Variants in COL5A2 observed in about 807,000 individuals in gnomAD.
COL5A2 encodes the protein collagen type V alpha 2 chain.
A neutral mutation model predicts 208.2 loss-of-function variants in COL5A2; 23 were observed. The observed-to-expected ratio is 0.11, with a 90% CI of 0.08 to 0.16. The LOEUF (loss-of-function observed/expected upper bound fraction) is 0.16, where lower values mean the gene tolerates loss of function less well. Ranked by LOEUF, COL5A2 falls within the 10% of genes least tolerant of loss-of-function variation. COL5A2 has a pLI of 1.00. For missense variants in COL5A2, 1,590 were observed against 1,956.4 expected (o/e 0.81, Z 3.53); for synonymous variants, 625 against 628.5 (o/e 0.99, Z 0.08).
At chr2:189,154,308 G>C (rs895465210) in intron 1 of COL5A2, among the ~76,000 whole-genome samples, 4 of 152,180 alleles carry the variant, frequency 2.6e-5, no homozygotes, top group African/African-American at 9.7e-5. Flanking sequence ...CAAAACTATA[G>C]TATGAAGTTA....
At chr2:189,326,367 G>T in the COL5A2 span, among the ~76,000 whole-genome samples, 4 of 152,056 alleles carry the variant, frequency 2.6e-5, no homozygotes, top group African/African-American at 2.4e-5. Context: ...ATTTTAAAGA[G>T]ATTGTAAAAC....
In COL5A2 at chr2:189,042,791, A is replaced by T; in HGVS notation, c.3472-18T>A. 6.3e-7 allele frequency: 1 copy of T among 1,599,768 alleles called. No homozygotes were observed. The highest frequency in any genetic ancestry group is 8.5e-7 in the Non-Finnish European group (1 of 1,170,870). On this transcript the variant is annotated intron_variant, in intron 48 of 53. Coordinates refer to ENST00000374866, the MANE Select transcript of COL5A2 (RefSeq NM_000393.5). ...TTTGGACCCTAAGTAGGAATACAATAAAAAATGTTGCCAAAATATTTGGAT... is the reference window on the plus strand; with the variant it reads ...TTTGGACCCTAAGTAGGAATACAATTAAAAATGTTGCCAAAATATTTGGAT...
the COL5A2 span, among the ~76,000 whole-genome samples, chr2:189,239,161 G>T: frequency 1.3e-5 from 2 of 152,018 alleles, no homozygotes; most frequent in Admixed American, 6.6e-5. Context: ...AGGGAGTGTA[G>T]ACCCAAGTGT....
chr2:189,170,013 G>C (rs139931227), intron 1 of COL5A2, among the ~76,000 whole-genome samples: 2 of 152,230 alleles, frequency 1.3e-5, no homozygotes, highest in Non-Finnish European at 2.9e-5. Flanking sequence ...CACCACACCT[G>C]GCCTGTTATT....
chr2:189,124,576 A>G (rs1234303422), intron 1 of COL5A2, among the ~76,000 whole-genome samples: 1 of 152,166 alleles, frequency 6.6e-6, no homozygotes, highest in African/African-American at 2.4e-5. Context: ...TAAAAAAGTC[A>G]CTGAGGAAAA....
intron 35 of COL5A2, chr2:189,056,662 G>A (rs1333639735): frequency 2.4e-6 from 1 of 414,446 alleles, no homozygotes; most frequent in African/African-American, 2.0e-5. Context: ...CACTAGATTA[G>A]CATTTTAACA....
the COL5A2 span, among the ~76,000 whole-genome samples, chr2:189,233,156 A>G: frequency 6.6e-6 from 1 of 151,676 alleles, no homozygotes; most frequent in African/African-American, 2.4e-5. Context: ...CACCATCAAT[A>G]CATATGGTCA....
chr2:189,049,047 G>GA (rs869192330), intron 44 of COL5A2, among the ~76,000 whole-genome samples: 150 of 5,058 alleles, frequency 0.03, no homozygotes, highest in Non-Finnish European at 0.032. Flanking sequence ...ATAATAACAA[G>GA]GGAAAGATGA....
intron 2 of COL5A2, among the ~76,000 whole-genome samples, chr2:189,106,722 G>A (rs1229910892): frequency 8.8e-6 from 1 of 113,976 alleles, no homozygotes; most frequent in Non-Finnish European, 2.0e-5. Context: ...AAACTTTTAA[G>A]TTGAGATGTA....
the COL5A2 span, among the ~76,000 whole-genome samples, chr2:189,367,014 T>C: frequency 1.3e-5 from 2 of 152,162 alleles, no homozygotes; most frequent in African/African-American, 4.8e-5. Context: ...TTCTATCCAA[T>C]GCCTGCAAAG....
the COL5A2 span, among the ~76,000 whole-genome samples, chr2:189,357,569 C>A: frequency 1.3e-5 from 2 of 152,126 alleles, no homozygotes; most frequent in African/African-American, 4.8e-5. Context: ...CCTCCCCCTA[C>A]CAAGCTCAAG....
chr2:189,148,694 A>T, intron 1 of COL5A2, among the ~76,000 whole-genome samples: 1 of 152,230 alleles, frequency 6.6e-6, no homozygotes, highest in African/African-American at 2.4e-5. Context: ...TTCTAGAATC[A>T]TAGATTTAGG....
intron 2 of COL5A2, among the ~76,000 whole-genome samples, chr2:189,109,062 T>G (rs2105709327): frequency 6.6e-6 from 1 of 152,012 alleles, no homozygotes; most frequent in South Asian, 2.1e-4. Context: ...TCTCGTAAAT[T>G]TAGCTGAACT....
At chr2:189,101,162 A>G (rs530431708) in intron 3 of COL5A2, among the ~76,000 whole-genome samples, 1 of 152,148 alleles carries the variant, frequency 6.6e-6, no homozygotes, top group African/African-American at 2.4e-5. Context: ...TTACTGGGCA[A>G]TTGTGTAGGA....
chr2:189,187,223 A>C (rs1276584645), intron 1 of COL5A2, among the ~76,000 whole-genome samples: 1 of 152,232 alleles, frequency 6.6e-6, no homozygotes, highest in Non-Finnish European at 1.5e-5. Flanking sequence ...TTTTATATTG[A>C]GATTCAGAGA....
intron 44 of COL5A2, 144 bp from the exon 45 acceptor site, chr2:189,048,406 G>T: frequency 1.5e-6 from 1 of 666,364 alleles, no homozygotes. Context: ...GCAGAAGAAC[G>T]GTTTCTACCT....
intron 2 of COL5A2, among the ~76,000 whole-genome samples, chr2:189,108,384 C>T (rs1416514742): frequency 6.6e-6 from 1 of 151,790 alleles, no homozygotes; most frequent in Non-Finnish European, 1.5e-5. Context: ...TTATATTTAA[C>T]TTTAATTAAC....
chr2:189,187,604 A>C (rs901781237), intron 1 of COL5A2, among the ~76,000 whole-genome samples: 3 of 152,216 alleles, frequency 2.0e-5, no homozygotes, highest in Non-Finnish European at 4.4e-5. Flanking sequence ...AATATTACAT[A>C]AGTGCTGGTT....
chr2:189,246,916 A>T, the COL5A2 span, among the ~76,000 whole-genome samples: 1 of 152,152 alleles, frequency 6.6e-6, no homozygotes, highest in Non-Finnish European at 1.5e-5. Context: ...GAAAGAGAAG[A>T]CTGTGTAATA....
Sources: gnomAD v4.1 joint callset for allele counts (sites outside exome capture counted in the v4.1 genomes callset) on GRCh38, gnomAD v4.1.1 for gene constraint, MANE v1.5 for transcripts, NCBI Gene and HGNC (gene_info 2026-07-23, HGNC 2026-07-21) for gene names.